MYO16: variants seen among roughly 807,000 people sequenced by gnomAD.
MYO16 encodes myosin XVI, also known as unconventional myosin-XVI.
MYO16 carries 94 observed loss-of-function variants against 205.3 expected under a neutral mutation model. The observed-to-expected ratio is 0.46, with a 90% confidence interval of 0.39 to 0.54. MYO16 has a LOEUF of 0.54. Ranked by LOEUF, MYO16 falls within the 20% of genes least tolerant of loss-of-function variation. MYO16 has a pLI of 0.00. For missense variants in MYO16, 2,315 were observed against 2,387.5 expected, an observed-to-expected ratio of 0.97 and a Z score of 0.63; for synonymous variants, 988 against 954.0, an observed-to-expected ratio of 1.04 and a Z score of -0.66.
At chr13:108,938,650 T>A (rs944939659) in intron 16 of MYO16, among the ~76,000 whole-genome samples, 4 of 152,204 alleles carry the variant, frequency 2.6e-5, no homozygotes, top group Admixed American at 2.6e-4. Context: ...AGGGACCCCC[T>A]GCACGAAGTT....
At chr13:108,532,919 A>G in the MYO16 span, among the ~76,000 whole-genome samples, 15 of 152,336 alleles carry the variant, frequency 9.8e-5, no homozygotes, top group Non-Finnish European at 1.6e-4. Context: ...GAGGTCCCTA[A>G]CAAAATGGAA....
chr13:108,689,098 A>C (rs1951010902), intron 2 of MYO16, among the ~76,000 whole-genome samples: 1 of 152,224 alleles, frequency 6.6e-6, no homozygotes, highest in Non-Finnish European at 1.5e-5. Context: ...ATTGCTGTAA[A>C]ATACTGTGAC....
the MYO16 span, among the ~76,000 whole-genome samples, chr13:108,524,441 C>A: frequency 6.6e-6 from 1 of 152,328 alleles, no homozygotes; most frequent in Non-Finnish European, 1.5e-5. Context: ...TTGAAAGCTC[C>A]TTGAAGCTTC....
chr13:109,006,098 G>C (rs1885379753), intron 21 of MYO16, among the ~76,000 whole-genome samples: 1 of 152,164 alleles, frequency 6.6e-6, no homozygotes. Context: ...ATGCCCATTA[G>C]CAGGACCAGA....
chr13:108,894,708 A>G (rs1880329634), intron 14 of MYO16, among the ~76,000 whole-genome samples: 1 of 152,174 alleles, frequency 6.6e-6, no homozygotes, highest in African/African-American at 2.4e-5. Context: ...GCATGAGCTC[A>G]CCTGCCTTTG....
At chr13:108,575,754 G>A in the MYO16 span, among the ~76,000 whole-genome samples, 5 of 152,244 alleles carry the variant, frequency 3.3e-5, no homozygotes, top group Non-Finnish European at 5.9e-5. Flanking sequence ...TCTCTGTTCC[G>A]TGTTTCTGGC....
At chr13:109,159,537 C>T (rs888464007) in intron 32 of MYO16, among the ~76,000 whole-genome samples, 4 of 152,138 alleles carry the variant, frequency 2.6e-5, no homozygotes, top group South Asian at 2.1e-4. Context: ...ATCTGTGAGC[C>T]GGGCTCTATT....
At chr13:108,562,323 A>G in the MYO16 span, among the ~76,000 whole-genome samples, 4 of 152,108 alleles carry the variant, frequency 2.6e-5, no homozygotes, top group Non-Finnish European at 5.9e-5. Context: ...ACCTCCAAAT[A>G]CCATCACATT....
At chr13:108,982,255 G>A (rs560565362) in intron 20 of MYO16, among the ~76,000 whole-genome samples, 9 of 152,208 alleles carry the variant, frequency 5.9e-5, no homozygotes, top group Admixed American at 1.3e-4. Flanking sequence ...AGGCAGGGGC[G>A]TGGCTAACTA....
At chr13:109,022,154 A>AATATATATACATATATAT (rs936486515) in intron 23 of MYO16, among the ~76,000 whole-genome samples, 5 of 93,870 alleles carry the variant, frequency 5.3e-5, no homozygotes, top group East Asian at 7.7e-4. Context: ...TATATATACA[A>AATATATATACATATATAT]ATTTATATAT....
chr13:109,077,419 T>C lies in MYO16; in HGVS notation c.3335+21824T>C, dbSNP rs572893700. Among the ~76,000 whole-genome samples the C allele has an allele frequency of 5.3e-5, 8 of 152,246 alleles. No individual in the cohort carries two copies. In the South Asian group the frequency reaches 1.5e-3, roughly 28 times the overall value. On this transcript the variant is annotated intron_variant, in intron 27 of 34. Coordinates refer to ENST00000457511, the MANE Select transcript of MYO16 (RefSeq NM_001198950.3). Reference sequence around the variant, plus strand: ...TTCCCTTTCCCTCAAACTCACAGCCTCCACTGCTCTCAAAAATCCCCTACC... The same window carrying C: ...TTCCCTTTCCCTCAAACTCACAGCCCCCACTGCTCTCAAAAATCCCCTACC...
Position 108,770,789 on chromosome 13 carries a change from T to C in MYO16, c.508-14846T>C, listed in dbSNP as rs188563398. On this transcript the variant is annotated intron_variant, in intron 4 of 34. Coordinates refer to ENST00000457511, the MANE Select transcript of MYO16 (RefSeq NM_001198950.3). ...AATATAAATTCCAACATAAAGAACT[T>C]TTCTCACATAATGACAACGACTACA... 3.3e-4 allele frequency among the ~76,000 whole-genome samples: 50 copies of C among 152,240 alleles called. 1 individual carries two copies. The East Asian group carries it at 8.7e-3, about 26-fold the overall frequency.
chr13:108,732,461 C>T lies in MYO16; in HGVS notation c.507+4878C>T, dbSNP rs139010986. Among the ~76,000 whole-genome samples the T allele has an allele frequency of 5.3e-5, 8 of 152,194 alleles. No individual in the cohort carries two copies. The East Asian group carries it at 1.5e-3, about 29-fold the overall frequency. ...AAGGTGACATGTGAGCCGGGAGCTACGTGGATACGTGGGTGCAAGTGTGCC... is the reference window on the plus strand; with the variant it reads ...AAGGTGACATGTGAGCCGGGAGCTATGTGGATACGTGGGTGCAAGTGTGCC... On this transcript the variant is annotated intron_variant, in intron 4 of 34. Coordinates refer to ENST00000457511, the MANE Select transcript of MYO16 (RefSeq NM_001198950.3).
chr13:109,152,610 G>A (rs1408756321), intron 32 of MYO16, among the ~76,000 whole-genome samples: 1 of 152,158 alleles, frequency 6.6e-6, no homozygotes, highest in African/African-American at 2.4e-5. Context: ...AAAACACCCG[G>A]TGATGTGGCA....
At chr13:108,632,018 C>T (rs532412565) in intron 1 of MYO16, among the ~76,000 whole-genome samples, 7 of 134,474 alleles carry the variant, frequency 5.2e-5, no homozygotes, top group South Asian at 2.5e-4. Flanking sequence ...GCGGAGCTTG[C>T]GGTGAGCTGA....
intron 27 of MYO16, among the ~76,000 whole-genome samples, chr13:109,078,429 A>G (rs1379996961): frequency 1.3e-5 from 2 of 152,142 alleles, no homozygotes. Flanking sequence ...CAACAGAGCA[A>G]AACTCTTTAA....
In MYO16 at chr13:108,888,398, A is replaced by C. The variant is rs758217754; in HGVS notation, c.1580A>C (p.Glu527Ala). The C allele has an allele frequency of 8.7e-6, 14 of 1,604,120 alleles. No individual in the cohort carries two copies. Among genetic ancestry groups the C allele is most frequent in the Non-Finnish European group, 1.7e-6 (2 of 1,175,720 alleles). ...LSGERGSGKS[E>A]ASKQIIRHLT... Reference sequence around the variant, plus strand: ...GGAGAAAGGGGATCAGGAAAGTCTGAAGCCAGCAAACAAATCATAAGACAC... The same window carrying C: ...GGAGAAAGGGGATCAGGAAAGTCTGCAGCCAGCAAACAAATCATAAGACAC... The change falls in exon 14 of 35, where the codon GAA (glutamate) becomes GCA (alanine). Residue 527 changes from glutamate (E) to alanine (A), a missense_variant. By Grantham distance (107) the Glu-to-Ala change is moderately radical (BLOSUM62 -1). Transcript: ENST00000457511.
chr13:109,111,021 G>A (rs889493775), intron 28 of MYO16, among the ~76,000 whole-genome samples: 5 of 152,208 alleles, frequency 3.3e-5, no homozygotes, highest in Non-Finnish European at 5.9e-5. Context: ...GATGTTCAGA[G>A]CAGACAGATG....
chr13:109,055,761 T>C lies in MYO16; in HGVS notation c.3335+166T>C, dbSNP rs1887397828. The C allele has an allele frequency of 1.6e-6, 1 of 611,066 alleles. No individual in the cohort carries two copies. Among genetic ancestry groups the C allele is most frequent in the Admixed American group, 2.9e-5 (1 of 33,940 alleles). The allele number at this position is 611,066 out of a possible 1,614,324, so 37.9% of individuals were successfully genotyped here. On this transcript the variant is annotated intron_variant, in intron 27 of 34. Transcript: ENST00000457511. The surrounding 1 kb of genome is among the most constrained non-coding windows in gnomAD (Gnocchi z 5.0). ...CAAAATATTCTGGGAAACAATGAAATACACTGACAAAGCTCACATAAAAAA... is the reference window on the plus strand; with the variant it reads ...CAAAATATTCTGGGAAACAATGAAACACACTGACAAAGCTCACATAAAAAA...
Sources: gnomAD v4.1 joint callset for allele counts (sites outside exome capture counted in the v4.1 genomes callset) on GRCh38, gnomAD v4.1.1 for gene constraint, Gnocchi (gnomAD v3.1) non-coding constraint, MANE v1.5 for transcripts, NCBI Gene and HGNC (gene_info 2026-07-23, HGNC 2026-07-21) for gene names.